EFCAB14: variants seen among roughly 807,000 people sequenced by gnomAD.
EFCAB14 encodes EF-hand calcium-binding domain-containing protein 14.
Under a neutral mutation model 56.5 loss-of-function variants are expected in EFCAB14, and 43 were observed. The observed-to-expected ratio is 0.76, with a 90% CI of 0.60 to 0.98. The LOEUF (loss-of-function observed/expected upper bound fraction) is 0.98. EFCAB14 is among the 50% of genes least tolerant of loss of function. The probability of loss-of-function intolerance (pLI) is 0.00; values close to 1 mark genes in which losing one functional copy is unlikely to be tolerated. For missense variants in EFCAB14, 538 were observed against 580.3 expected (o/e 0.93, Z 0.75); for synonymous variants, 235 against 212.9 (o/e 1.10, Z -0.90).
At chr1:46,681,048 G>A (rs1676786049) in intron 10 of EFCAB14, among the ~76,000 whole-genome samples, 1 of 151,242 alleles carries the variant, frequency 6.6e-6, no homozygotes, top group African/African-American at 2.4e-5. Context: ...ACAGCTCACT[G>A]TAGCCTCAAA....
At chr1:46,712,844 C>CT (rs761752582) in intron 2 of EFCAB14, among the ~76,000 whole-genome samples, 88 of 125,100 alleles carry the variant, frequency 7.0e-4, no homozygotes, top group Non-Finnish European at 1.3e-3. Context: ...CCTGTCTCTA[C>CT]TAAAAAAAAA....
intron 3 of EFCAB14, among the ~76,000 whole-genome samples, chr1:46,701,499 C>T (rs988134431): frequency 6.6e-6 from 1 of 152,228 alleles, no homozygotes; most frequent in African/African-American, 2.4e-5. Flanking sequence ...AAAAACTCTT[C>T]TTCCAGGTAC....
intron 2 of EFCAB14, among the ~76,000 whole-genome samples, chr1:46,712,546 T>G (rs1677325251): frequency 1.3e-5 from 2 of 152,290 alleles, no homozygotes; most frequent in South Asian, 4.1e-4. Context: ...TTCAGGTATT[T>G]TAGCAATCCT....
rs1400958455 is a variant in EFCAB14, at chr1:46,716,544, T to G, written c.186-101A>C. 2.2e-6 allele frequency: 3 copies of G among 1,343,200 alleles called. No individual in the cohort carries two copies. The African/African-American group carries it at 4.4e-5, about 20-fold the overall frequency. The allele number at this position is 1,343,200 out of a possible 1,614,324, so 83.2% of individuals were successfully genotyped here. A position where few individuals can be genotyped will look rare whatever the true frequency, so the allele number is the denominator to read the frequency against. On this transcript the variant is annotated intron_variant, in intron 1 of 10. Transcript: ENST00000371933. ...TTGCCATGCAATTATCTCCTTTAAA[T>G]GAATAACCAGTGAATTAACCAGGGG...
intron 2 of EFCAB14, among the ~76,000 whole-genome samples, chr1:46,712,333 G>A (rs1325886506): frequency 1.3e-5 from 2 of 152,134 alleles, no homozygotes; most frequent in Non-Finnish European, 2.9e-5. Context: ...CTTTCATAGT[G>A]GAGTGACAGA....
Position 46,677,249 on chromosome 1 carries a change from C to T in EFCAB14, c.*1212G>A, listed in dbSNP as rs1047591705. ...CTACCACCATGTGAAGGCCCTAGCT[C>T]CAGGCCTGCCCTGCTATACTTTGGC... On this transcript the variant is annotated 3_prime_UTR_variant, in exon 11 of 11. Transcript: ENST00000371933. 11 of 152,314 alleles carry T rather than the reference C, an allele frequency of 7.2e-5. No individual in the cohort carries two copies. The highest frequency in any genetic ancestry group is 2.7e-4 in the African/African-American group (11 of 41,448). 9.4% of individuals were successfully genotyped at this position (152,314 alleles called of 1,614,324 possible).
rs537434713 is a variant in EFCAB14 at position 46,677,292 on chromosome 1, C to T, written c.*1169G>A. Reference sequence around the variant, plus strand: ...ACTTTGGCATCCTTTGGGTAGAAAGCCTCTAGCTACTTCTGAGCTGGTAAT... The same window carrying T: ...ACTTTGGCATCCTTTGGGTAGAAAGTCTCTAGCTACTTCTGAGCTGGTAAT... On this transcript the variant is annotated 3_prime_UTR_variant, in exon 11 of 11. Transcript: ENST00000371933. 2 of 152,350 alleles carry T rather than the reference C, an allele frequency of 1.3e-5. No homozygotes were observed. Among genetic ancestry groups the T allele is most frequent in the South Asian group, 4.1e-4 (2 of 4,826 alleles). 9.4% of individuals were successfully genotyped at this position (152,350 alleles called of 1,614,324 possible).
rs561195431 is a variant in EFCAB14 at position 46,681,387 on chromosome 1, C to T, written c.1312+1913G>A. 2.6e-5 allele frequency among the ~76,000 whole-genome samples: 4 copies of T among 152,352 alleles called. No homozygotes were observed. In the South Asian group the frequency reaches 8.3e-4, roughly 32 times the overall value. On this transcript the variant is annotated intron_variant, in intron 10 of 10. Coordinates refer to ENST00000371933, the MANE Select transcript of EFCAB14 (RefSeq NM_014774.3). ...TCTTCCCAAACTCCTTTAATTTCAT[C>T]ATTTATTCCACACCATACCTAGGTA...
intron 10 of EFCAB14, among the ~76,000 whole-genome samples, chr1:46,681,023 T>G (rs1367665241): frequency 5.3e-5 from 8 of 151,762 alleles, no homozygotes; most frequent in Non-Finnish European, 1.2e-4. Context: ...CAGGTTAGAG[T>G]GCAGTGGCAT....
chr1:46,686,698 G>A lies in EFCAB14; in HGVS notation c.1074+86C>T, dbSNP rs189985862. 1.0e-4 allele frequency: 130 copies of A among 1,295,460 alleles called. 1 individual carries two copies. The East Asian group carries it at 2.8e-3, about 28-fold the overall frequency. The allele number at this position is 1,295,460 out of a possible 1,614,324, so 80.2% of individuals were successfully genotyped here. On this transcript the variant is annotated intron_variant, in intron 8 of 10. Transcript: ENST00000371933. Reference sequence around the variant, plus strand: ...TTTCAGCACATGAGAACAAAAGTACGCCCTTTGAAAAAGTAGCAGTAGATC... The same window carrying A: ...TTTCAGCACATGAGAACAAAAGTACACCCTTTGAAAAAGTAGCAGTAGATC...
At chr1:46,686,955 A>G in intron 7 of EFCAB14, 85 bp from the exon 8 acceptor site, 5 of 1,279,852 alleles carry the variant, frequency 3.9e-6, no homozygotes, top group Non-Finnish European at 5.6e-6. Flanking sequence ...TTTTAAACAA[A>G]TTCGTCAAAC....
intron 3 of EFCAB14, among the ~76,000 whole-genome samples, chr1:46,699,663 T>C (rs535800317): frequency 2.6e-5 from 4 of 152,268 alleles, no homozygotes; most frequent in Non-Finnish European, 4.4e-5. Context: ...ATAATAATAA[T>C]AACAACAACA....
At chr1:46,704,106 T>C (rs1426866383) in intron 3 of EFCAB14, among the ~76,000 whole-genome samples, 1 of 152,144 alleles carries the variant, frequency 6.6e-6, no homozygotes, top group African/African-American at 2.4e-5. Context: ...TCTTTTTGCT[T>C]ATCAGGCTGC....
At chr1:46,688,188 C>T (rs889938827) in intron 7 of EFCAB14, among the ~76,000 whole-genome samples, 165 bp downstream of exon 7, 5 of 152,194 alleles carry the variant, frequency 3.3e-5, no homozygotes, top group Non-Finnish European at 2.9e-5. Context: ...TCACATCACA[C>T]AGCTAGTGTG....
At chr1:46,689,187 T>C (rs1202183035) in intron 6 of EFCAB14, among the ~76,000 whole-genome samples, 2 of 152,336 alleles carry the variant, frequency 1.3e-5, no homozygotes, top group Admixed American at 1.3e-4. Flanking sequence ...AAAATCCTGA[T>C]TTTCAAGGAT....
intron 2 of EFCAB14, among the ~76,000 whole-genome samples, chr1:46,715,297 G>A (rs531574837): frequency 6.6e-6 from 1 of 152,312 alleles, no homozygotes; most frequent in Admixed American, 6.5e-5. Context: ...GCAGACAGTA[G>A]TGTTATAAAT....
At chr1:46,693,208 T>TA (rs891263148) in intron 4 of EFCAB14, among the ~76,000 whole-genome samples, 9 of 152,158 alleles carry the variant, frequency 5.9e-5, no homozygotes, top group African/African-American at 2.2e-4. Flanking sequence ...AGCCATGTTT[T>TA]AAAAAAAGCC....
In EFCAB14 at chr1:46,678,426, T is replaced by A; in HGVS notation, c.*35A>T. 1 of 1,611,458 alleles carries A rather than the reference T, an allele frequency of 6.2e-7. No homozygotes were observed. On this transcript the variant is annotated 3_prime_UTR_variant, in exon 11 of 11. Transcript: ENST00000371933. Reference sequence around the variant, plus strand: ...TGTTTTGTTGTTAGGTAAATAGATATTAGGCAGTCCATTTCTAAAATATGC... The same window carrying A: ...TGTTTTGTTGTTAGGTAAATAGATAATAGGCAGTCCATTTCTAAAATATGC...
intron 10 of EFCAB14, among the ~76,000 whole-genome samples, chr1:46,679,868 A>G (rs925053107): frequency 3.1e-4 from 47 of 151,916 alleles, no homozygotes; most frequent in Non-Finnish European, 3.4e-4. Flanking sequence ...CAGCCTCCCC[A>G]AAGTGCTAGG....
Sources: allele counts gnomAD v4.1 joint callset (sites outside exome capture counted in the v4.1 genomes callset), GRCh38; gene constraint gnomAD v4.1.1; transcripts MANE v1.5; gene names NCBI Gene and HGNC (gene_info 2026-07-23, HGNC 2026-07-21).